Variants in DLG2 observed in about 807,000 individuals in gnomAD.
DLG2 encodes discs large MAGUK scaffold protein 2, also known as disks large homolog 2.
In DLG2, 45 loss-of-function variants were observed where a neutral mutation model predicts 132.5. The ratio of observed to expected loss-of-function variants is 0.34; its 90% CI spans 0.27 to 0.44. The LOEUF is 0.44. Ranked by LOEUF, DLG2 falls within the 20% of genes least tolerant of loss-of-function variation. DLG2 has a pLI of 1.00. For synonymous variants in DLG2, 424 were observed against 419.6 expected (o/e 1.01, Z -0.13); for missense variants, 1,045 against 1,196.9 (o/e 0.87, Z 1.87).
At chr11:84,659,103 C>T (rs925357579) in intron 6 of DLG2, among the ~76,000 whole-genome samples, 4 of 152,148 alleles carry the variant, frequency 2.6e-5, no homozygotes, top group Non-Finnish European at 4.4e-5. Flanking sequence ...TAAGCTAAGA[C>T]AATGAGAAAG....
At chr11:83,584,623 G>A (rs1203302853) in intron 19 of DLG2, among the ~76,000 whole-genome samples, 1 of 152,294 alleles carries the variant, frequency 6.6e-6, no homozygotes, top group African/African-American at 2.4e-5. Context: ...GATCCTGGCT[G>A]TAAATGGAAG....
At chr11:84,018,710 G>A (rs987189409) in intron 11 of DLG2, among the ~76,000 whole-genome samples, 1 of 151,488 alleles carries the variant, frequency 6.6e-6, no homozygotes, top group Non-Finnish European at 1.5e-5. Context: ...CTATATTATG[G>A]GTATACATTA....
chr11:83,872,870 A>G (rs1164533195), intron 16 of DLG2, among the ~76,000 whole-genome samples: 1 of 152,174 alleles, frequency 6.6e-6, no homozygotes, highest in Non-Finnish European at 1.5e-5. Flanking sequence ...CAGTGGTAAA[A>G]TTAGTCCCCA....
chr11:84,667,886 C>A (rs1368820420), intron 6 of DLG2, among the ~76,000 whole-genome samples: 1 of 151,992 alleles, frequency 6.6e-6, no homozygotes, highest in Non-Finnish European at 1.5e-5. Context: ...GTGGACAGAG[C>A]ACAGACTAAA....
intron 3 of DLG2, among the ~76,000 whole-genome samples, chr11:85,294,651 A>T (rs531024595): frequency 3.9e-5 from 6 of 152,242 alleles, no homozygotes; most frequent in African/African-American, 1.4e-4. Context: ...GGTAGCTATG[A>T]TATTCTTTGA....
chr11:84,617,294 T>A (rs1390199580), intron 6 of DLG2, among the ~76,000 whole-genome samples: 1 of 152,132 alleles, frequency 6.6e-6, no homozygotes, highest in East Asian at 1.9e-4. Context: ...TTCATCCATG[T>A]CCCTGCAAAA....
At chr11:83,899,799 T>G (rs778455958) in intron 15 of DLG2, among the ~76,000 whole-genome samples, 2 of 152,156 alleles carry the variant, frequency 1.3e-5, no homozygotes, top group Admixed American at 6.5e-5. Context: ...TTGGTAAGAT[T>G]AGAGTGCATT....
At chr11:84,951,629 C>CTA (rs991709477) in intron 6 of DLG2, among the ~76,000 whole-genome samples, 96 of 148,700 alleles carry the variant, frequency 6.5e-4, no homozygotes, top group African/African-American at 1.6e-3. Context: ...TATATGCATT[C>CTA]TATATATATA....
intron 6 of DLG2, among the ~76,000 whole-genome samples, chr11:85,108,944 T>A (rs887589037): frequency 2.0e-5 from 3 of 152,138 alleles, no homozygotes; most frequent in Non-Finnish European, 4.4e-5. Flanking sequence ...AAAGCAGCTT[T>A]AGAGGTCTAA....
At chr11:84,167,756 T>C (rs1475178184) in intron 8 of DLG2, among the ~76,000 whole-genome samples, 2 of 152,104 alleles carry the variant, frequency 1.3e-5, no homozygotes, top group African/African-American at 4.8e-5. Context: ...AACCTCTGCA[T>C]ACCAGGTTTA....
At chr11:84,945,826 C>T (rs572261139) in intron 6 of DLG2, among the ~76,000 whole-genome samples, 17 of 152,168 alleles carry the variant, frequency 1.1e-4, no homozygotes, top group East Asian at 3.9e-4. Flanking sequence ...CATGTGCATC[C>T]GACATCTACT....
intron 6 of DLG2, among the ~76,000 whole-genome samples, chr11:84,954,568 T>G (rs1254817586): frequency 6.6e-6 from 1 of 152,200 alleles, no homozygotes; most frequent in Non-Finnish European, 1.5e-5. Context: ...GAGCAGAGGT[T>G]ATAAGCAGGA....
chr11:83,499,837 C>T (rs2094352627), intron 21 of DLG2, among the ~76,000 whole-genome samples: 1 of 115,282 alleles, frequency 8.7e-6, no homozygotes, highest in Non-Finnish European at 1.8e-5. Context: ...ATATATATTT[C>T]CTCCACTAAT....
chr11:84,211,468 C>T (rs558253478), intron 8 of DLG2, among the ~76,000 whole-genome samples: 1 of 152,292 alleles, frequency 6.6e-6, no homozygotes, highest in Admixed American at 6.5e-5. Flanking sequence ...TGGTCTCAAA[C>T]TCCTGGGCTC....
chr11:84,907,205 TC>T (rs2091611434), intron 6 of DLG2, among the ~76,000 whole-genome samples: 1 of 152,026 alleles, frequency 6.6e-6, no homozygotes, highest in Admixed American at 6.6e-5. Flanking sequence ...TTAGAGAGGG[TC>T]CCTTTGATGA....
chr11:84,863,904 C>T (rs1414257180), intron 6 of DLG2, among the ~76,000 whole-genome samples: 1 of 152,088 alleles, frequency 6.6e-6, no homozygotes, highest in Non-Finnish European at 1.5e-5. Flanking sequence ...AAAATGGATA[C>T]AGCTCCATGT....
intron 7 of DLG2, among the ~76,000 whole-genome samples, chr11:84,404,417 A>C (rs2098841346): frequency 6.6e-6 from 1 of 151,926 alleles, no homozygotes; most frequent in African/African-American, 2.4e-5. Flanking sequence ...CAAAGTTAGC[A>C]CCCTCACCTA....
At chr11:84,802,111 CAA>C (rs535950740) in intron 6 of DLG2, among the ~76,000 whole-genome samples, 1 of 130,200 alleles carries the variant, frequency 7.7e-6, no homozygotes, top group African/African-American at 2.8e-5. Context: ...AAAAAAAAAG[CAA>C]AAAAAAAAAA....
At position 84,502,222 on chromosome 11, in the gene DLG2, CCTTCCTTCCTTCCTTCCT is replaced by C. The variant is rs1567803749; in HGVS notation, c.519+32330_519+32347del. ...TCTCTCCTTCCTTCCTTCCTTCCTT[CCTTCCTTCCTTCCTTCCT>C]TCCTTCCTTCCTTCCTTCCTTCCTT... On this transcript the variant is annotated intron_variant, in intron 7 of 27. Transcript: ENST00000376104. 2.5e-3 allele frequency among the ~76,000 whole-genome samples: 32 copies of C among 12,810 alleles called. 3 individuals are homozygous for C. The highest frequency in any genetic ancestry group is 8.4e-3 in the African/African-American group (7 of 838). The allele number at this position is 12,810 out of a possible 152,430, so 8.4% of individuals were successfully genotyped here. A position where few individuals can be genotyped will look rare whatever the true frequency, so the allele number is the denominator to read the frequency against.
Sources: gnomAD v4.1 joint callset for allele counts (sites outside exome capture counted in the v4.1 genomes callset) on GRCh38, gnomAD v4.1.1 for gene constraint, MANE v1.5 for transcripts, NCBI Gene and HGNC (gene_info 2026-07-23, HGNC 2026-07-21) for gene names.